The following ACIN1 variants were observed in gnomAD, a reference collection of about 807,000 sequenced individuals.
ACIN1 encodes apoptotic chromatin condensation inducer in the nucleus.
Under a neutral mutation model 146.6 loss-of-function variants are expected in ACIN1, and 16 were observed. That is an observed-to-expected ratio of 0.11 (90% CI 0.07 to 0.17). ACIN1 has a LOEUF of 0.17. Among genes scored for constraint, ACIN1 ranks in the 10% least tolerant of loss-of-function variants. The probability of loss-of-function intolerance (pLI) is 1.00; values close to 1 mark genes in which losing one functional copy is unlikely to be tolerated. For synonymous variants in ACIN1, 569 were observed against 582.7 expected (o/e 0.98, Z 0.34); for missense variants, 1,357 against 1,609.3 (o/e 0.84, Z 2.68).
At chr14:23,063,602 C>A (rs1286481858) in intron 12 of ACIN1, 25 bp from the exon 13 acceptor site, 8 of 1,613,414 alleles carry the variant, frequency 5.0e-6, no homozygotes, top group Non-Finnish European at 6.8e-6. Context: ...GAGAACACAG[C>A]AGGTCTGTTA....
chr14:23,077,722 G>C (rs1446001919), intron 8 of ACIN1: 1 of 155,970 alleles, frequency 6.4e-6, no homozygotes, highest in Non-Finnish European at 1.4e-5. Context: ...AGTAACTAGG[G>C]AACTAGGGAA....
intron 9 of ACIN1, chr14:23,069,133 T>G: frequency 9.8e-7 from 1 of 1,018,964 alleles, no homozygotes; most frequent in Non-Finnish European, 1.2e-6. Flanking sequence ...GAGGGAAAGC[T>G]AAAGGAGTTA....
At chr14:23,081,227 C>T (rs1485369424) in intron 5 of ACIN1, among the ~76,000 whole-genome samples, 1 of 151,404 alleles carries the variant, frequency 6.6e-6, no homozygotes, top group African/African-American at 2.4e-5. Flanking sequence ...GTCATAATTA[C>T]ACTACACATA....
rs551753331 is a variant in ACIN1 at position 23,088,989 on chromosome 14, CTATATT to C, written c.436+987_436+992del. Among the ~76,000 whole-genome samples the C allele has an allele frequency of 2.0e-4, 31 of 152,230 alleles. No homozygotes were observed. The East Asian group carries it at 4.2e-3, about 21-fold the overall frequency. The stretch of plus-strand genomic sequence containing the variant: ...ACAGGTAGTTCCCAAAAGACAAAGG[CTATATT>C]TATAGACTTTTGCTTGAGATATTAT... On this transcript the variant is annotated intron_variant, in intron 4 of 18. Coordinates refer to ENST00000605057, the MANE Select transcript of ACIN1 (RefSeq NM_001386863.1).
rs1291211217 is a variant in ACIN1 at position 23,069,648 on chromosome 14, G to A, written c.2124-31C>T. On this transcript the variant is annotated intron_variant, in intron 8 of 18. Coordinates refer to ENST00000605057, the MANE Select transcript of ACIN1 (RefSeq NM_001386863.1). ...AGGAGGGGGGAGTGGTGGTGGGGGG[G>A]CGGGCAGAAAAGAACCAAGGGGAAG... 10 of 589,266 alleles carry A rather than the reference G, an allele frequency of 1.7e-5. 1 individual carries two copies. The highest frequency in any genetic ancestry group is 3.2e-5 in the Non-Finnish European group (10 of 312,338). The allele number at this position is 589,266 out of a possible 1,614,324, so 36.5% of individuals were successfully genotyped here.
rs1459578955 is a variant in ACIN1 at position 23,086,703 on chromosome 14, TCTCCTGGGAGATC to T, written c.436+3266_436+3278del. 2.6e-5 allele frequency among the ~76,000 whole-genome samples: 4 copies of T among 152,094 alleles called. 1 individual carries two copies. Among genetic ancestry groups the T allele is most frequent in the East Asian group, 1.9e-4 (1 of 5,178 alleles). On this transcript the variant is annotated intron_variant, in intron 4 of 18. Transcript: ENST00000605057. ...GGACTCACTATGTTGCTCAGGCCAATCTCCTGGGAGATCCTCCCACCTCAGCCTCCCATAGTGC... is the reference window on the plus strand; with the variant it reads ...GGACTCACTATGTTGCTCAGGCCAATCTCCCACCTCAGCCTCCCATAGTGC...
chr14:23,062,504 C>T lies in ACIN1; in HGVS notation c.2903G>A (p.Gly968Asp). ...GCGCCCCAACAACTCCTTTAGCTGG[C>T]CTAAAGTGAAAGGACGGACCTGCCA... ...ISNLVRPFTLGQLKELLGRTG... is the reference protein window; with the variant it reads ...ISNLVRPFTLDQLKELLGRTG... The change falls in exon 15 of 19, where the codon GGC becomes GAC. Residue 968 changes from glycine to aspartate, a missense_variant. Around this residue, in one of 4 missense-constraint regions of ACIN1, gnomAD observed 509 missense variants for 719.6 expected, o/e 0.71. Transcript: ENST00000605057. 1.2e-6 allele frequency: 2 copies of T among 1,614,110 alleles called. No homozygotes were observed. Among genetic ancestry groups the T allele is most frequent in the South Asian group, 1.1e-5 (1 of 91,076 alleles).
chr14:23,071,813 T>C (rs1256724479), intron 8 of ACIN1, among the ~76,000 whole-genome samples: 1 of 152,018 alleles, frequency 6.6e-6, no homozygotes, highest in Non-Finnish European at 1.5e-5. Flanking sequence ...GTGGAGGACA[T>C]GTAAAGTTAC....
intron 1 of ACIN1, chr14:23,094,662 C>T: frequency 1.3e-6 from 1 of 785,202 alleles, no homozygotes; most frequent in Non-Finnish European, 1.8e-6. Context: ...TTAACTCCTT[C>T]TGCAGCGCAT....
chr14:23,083,034 C>T (rs1594777294), intron 4 of ACIN1, among the ~76,000 whole-genome samples: 3 of 151,486 alleles, frequency 2.0e-5, no homozygotes, highest in Middle Eastern at 3.4e-3. Flanking sequence ...TCACCGCACC[C>T]GGACTAGGTG....
intron 7 of ACIN1, 61 bp from the exon 8 acceptor site, chr14:23,078,327 T>C (rs1442897714): frequency 3.3e-6 from 5 of 1,497,220 alleles, no homozygotes; most frequent in Non-Finnish European, 4.6e-6. Flanking sequence ...GTTCCTTTTC[T>C]TCTACCTGGA....
chr14:23,091,375 G>A (rs955166715), intron 2 of ACIN1, among the ~76,000 whole-genome samples: 2 of 152,018 alleles, frequency 1.3e-5, no homozygotes, highest in African/African-American at 4.8e-5. Context: ...GAAGTGGGAA[G>A]ACTGCTTGAG....
chr14:23,094,840 G>A (rs1594795781), intron 1 of ACIN1, 135 bp downstream of exon 1: 1 of 1,295,238 alleles, frequency 7.7e-7, no homozygotes, highest in Middle Eastern at 2.8e-4. Flanking sequence ...ACCACCGTGC[G>A]CGCGGATCCA....
chr14:23,066,823 T>C (rs1199709566), intron 9 of ACIN1, among the ~76,000 whole-genome samples: 2 of 152,046 alleles, frequency 1.3e-5, no homozygotes, highest in East Asian at 3.9e-4. Flanking sequence ...CCAGAAGACA[T>C]CTTTGGGACA....
intron 2 of ACIN1, 42 bp downstream of exon 2, chr14:23,093,437 T>C (rs1692317982): frequency 2.6e-6 from 4 of 1,567,884 alleles, no homozygotes; most frequent in Non-Finnish European, 3.5e-6. Context: ...TGTGTCTGGA[T>C]ATCCAAAGGG....
Position 23,061,489 on chromosome 14 carries a change from C to T in ACIN1, c.3233G>A (p.Arg1078Gln), listed in dbSNP as rs772302938. The T allele has an allele frequency of 1.9e-5, 26 of 1,368,966 alleles. No individual in the cohort carries two copies. Among genetic ancestry groups the T allele is most frequent in the Non-Finnish European group, 2.5e-5 (26 of 1,026,660 alleles). The allele number at this position is 1,368,966 out of a possible 1,614,324, so 84.8% of individuals were successfully genotyped here. ...QPPQHPRAEQREQERAVREQW... is the reference protein window; with the variant it reads ...QPPQHPRAEQQEQERAVREQW... The stretch of plus-strand genomic sequence containing the variant: ...TTCCCGCACTGCCCGTTCCTGCTCC[C>T]GCTGCTCTGCCCGGGGGTGCTGTGG... The change falls in exon 17 of 19, where the codon CGG becomes CAG. Residue 1078 changes from arginine to glutamine, a missense_variant. By Grantham distance (43) the Arg-to-Gln change is conservative. This residue lies in a region of ACIN1 where 509 missense variants were observed against 719.6 expected (regional missense o/e 0.71). Transcript: ENST00000605057.
In ACIN1 at chr14:23,085,198, G is replaced by C. The variant is rs986928514; in HGVS notation, c.437-3362C>G. Among the ~76,000 whole-genome samples the C allele has an allele frequency of 3.3e-5, 5 of 152,216 alleles. No homozygotes were observed. In the East Asian group the frequency reaches 9.7e-4, roughly 29 times the overall value. The stretch of plus-strand genomic sequence containing the variant: ...ACAAAAAAAAAAATTAGTCGGGTGT[G>C]GGGGCGGGTGCCTGCAGTCCCAGCT... On this transcript the variant is annotated intron_variant, in intron 4 of 18. Transcript: ENST00000605057.
rs1014276244 is a variant in ACIN1 at position 23,068,800 on chromosome 14, A to C, written c.2265+676T>G. The C allele has an allele frequency of 8.7e-5, 86 of 985,188 alleles. No individual in the cohort carries two copies. The highest frequency in any genetic ancestry group is 1.0e-4 in the Non-Finnish European group (83 of 829,918). The allele number at this position is 985,188 out of a possible 1,614,324, so 61.0% of individuals were successfully genotyped here. A position where few individuals can be genotyped will look rare whatever the true frequency, so the allele number is the denominator to read the frequency against. On this transcript the variant is annotated intron_variant, in intron 9 of 18. Coordinates refer to ENST00000605057, the MANE Select transcript of ACIN1 (RefSeq NM_001386863.1). This position sits in a 1 kb window ranked among gnomAD's most constrained non-coding sequence, Gnocchi z 4.3. ...GGCTACACACACAACAGTCCCTCCC[A>C]CCTTGTTACCCCTCTCCTAAACCCA... is the stretch of plus-strand genomic sequence containing the variant.
In ACIN1 at chr14:23,078,887, T is replaced by C. The variant is rs541565894; in HGVS notation, c.1940A>G (p.Gln647Arg). ...TTCAGGCTGACTCAGACGCCTTGCTTGGACAGAGGATGAGGAGGTGGAAGT... is the reference window on the plus strand; with the variant it reads ...TTCAGGCTGACTCAGACGCCTTGCTCGGACAGAGGATGAGGAGGTGGAAGT... ...ERTSTSSSSV[Q>R]ARRLSQPESA... The change falls in exon 7 of 19, where the codon CAA (glutamine) becomes CGA (arginine). Residue 647 changes from glutamine to arginine, a missense_variant. Gln to Arg is a conservative substitution (Grantham distance 43). This residue lies in a region of ACIN1 where 771 missense variants were observed against 746.6 expected (regional missense o/e 1.03). Transcript: ENST00000605057. 1 of 1,613,972 alleles carries C rather than the reference T, an allele frequency of 6.2e-7. No individual in the cohort carries two copies. The highest frequency in any genetic ancestry group is 2.2e-5 in the East Asian group (1 of 44,894).
Sources: gnomAD v4.1 joint callset for allele counts (sites outside exome capture counted in the v4.1 genomes callset) on GRCh38, gnomAD v4.1.1 for gene constraint, gnomAD v4.1.1 regional missense constraint, Gnocchi (gnomAD v3.1) non-coding constraint, MANE v1.5 for transcripts, NCBI Gene and HGNC (gene_info 2026-07-23, HGNC 2026-07-21) for gene names.